Variants in BIRC5 observed in about 807,000 individuals in gnomAD.
The protein encoded by BIRC5 is baculoviral IAP repeat-containing protein 5.
Under a neutral mutation model 15.8 loss-of-function variants are expected in BIRC5, and 8 were observed. The ratio of observed to expected loss-of-function variants is 0.51; its 90% CI spans 0.30 to 0.91. The LOEUF is 0.91. Among genes scored for constraint, BIRC5 ranks in the 40% least tolerant of loss-of-function variants. BIRC5 has a pLI of 0.07. For synonymous variants in BIRC5, 56 were observed against 64.5 expected, an observed-to-expected ratio of 0.87 and a Z score of 0.63; for missense variants, 163 against 178.6, an observed-to-expected ratio of 0.91 and a Z score of 0.50.
chr17:78,217,316 C>T (rs2076485914), intron 3 of BIRC5, among the ~76,000 whole-genome samples: 2 of 151,774 alleles, frequency 1.3e-5, no homozygotes, highest in Admixed American at 6.6e-5. Flanking sequence ...GCCGAGATTA[C>T]AGGCATGTGC....
chr17:78,214,619 T>G, intron 1 of BIRC5, 61 bp from the exon 2 acceptor site: 1 of 1,474,674 alleles, frequency 6.8e-7, no homozygotes, highest in Admixed American at 2.1e-5. Flanking sequence ...GAGGCCTTTG[T>G]GGCTGGGCCT....
At chr17:78,217,819 G>T (rs1164961942) in intron 3 of BIRC5, among the ~76,000 whole-genome samples, 1 of 151,426 alleles carries the variant, frequency 6.6e-6, no homozygotes, top group Non-Finnish European at 1.5e-5. Context: ...TTGAGACAGG[G>T]ACTCACTCTG....
Position 78,223,639 on chromosome 17 carries a change from C to CTT in BIRC5, c.*85_*86insTT. The CTT allele has an allele frequency of 6.3e-7, 1 of 1,591,794 alleles. No homozygotes were observed. The highest frequency in any genetic ancestry group is 8.6e-7 in the Non-Finnish European group (1 of 1,169,240). ...CTGGTGCCACCAGCCTTCCTGTGGG[C>CTT]CCCTTAGCAATGTCTTAGGAAAGGA... is the stretch of plus-strand genomic sequence containing the variant. On this transcript the variant is annotated 3_prime_UTR_variant, in exon 4 of 4. Transcript: ENST00000350051.
At chr17:78,214,504 C>T in intron 1 of BIRC5, 77 bp downstream of exon 1, 2 of 1,385,538 alleles carry the variant, frequency 1.4e-6, no homozygotes, top group African/African-American at 1.5e-5. Context: ...GACTGGGCCT[C>T]GGGGGTACAA....
rs779557679 is a variant in BIRC5 at position 78,214,410 on chromosome 17, G to T, written c.94G>T (p.Ala32Ser). The change falls in exon 1 of 4, where the codon GCC becomes TCC. Residue 32 changes from alanine to serine, a missense_variant. Transcript: ENST00000350051. ...FKNWPFLEGCACTPERMAEAG... is the reference protein window; with the variant it reads ...FKNWPFLEGCSCTPERMAEAG... ...GAACTGGCCCTTCTTGGAGGGCTGC[G>T]CCTGCACCCCGGAGCGGGTGAGACT... The T allele has an allele frequency of 1.3e-6, 2 of 1,586,344 alleles. No individual in the cohort carries two copies. Among genetic ancestry groups the T allele is most frequent in the Admixed American group, 3.5e-5 (2 of 56,366 alleles).
chr17:78,220,780 G>A (rs1161648902), intron 3 of BIRC5, among the ~76,000 whole-genome samples: 3 of 152,136 alleles, frequency 2.0e-5, no homozygotes, highest in Non-Finnish European at 4.4e-5. Flanking sequence ...GAGTGCAGTG[G>A]TGTGATCTTG....
intron 3 of BIRC5, among the ~76,000 whole-genome samples, chr17:78,218,523 C>T (rs1051769036): frequency 2.6e-5 from 4 of 151,222 alleles, no homozygotes; most frequent in Non-Finnish European, 5.9e-5. Context: ...AACTCCTGAC[C>T]TTGTGATCTG....
chr17:78,214,358 C>G lies in BIRC5; in HGVS notation c.42C>G (p.Leu14=), dbSNP rs532219684. 98 of 1,609,572 alleles carry G rather than the reference C, an allele frequency of 6.1e-5. 2 individuals are homozygous for G. The South Asian group carries it at 1.0e-3, about 17-fold the overall frequency. Residue 14 remains leucine (L), a synonymous_variant, in exon 1 of 4, where the codon CTC becomes CTG. Transcript: ENST00000350051. Reference sequence around the variant, plus strand: ...TGCCCCCTGCCTGGCAGCCCTTTCTCAAGGACCACCGCATCTCTACATTCA... The same window carrying G: ...TGCCCCCTGCCTGGCAGCCCTTTCTGAAGGACCACCGCATCTCTACATTCA... ...PTLPPAWQPF[L]KDHRISTFKN...
chr17:78,223,849 G>T lies in BIRC5; in HGVS notation c.*295G>T. 3.8e-6 allele frequency: 2 copies of T among 531,208 alleles called. No homozygotes were observed. Among genetic ancestry groups the T allele is most frequent in the South Asian group, 6.2e-5 (2 of 32,204 alleles). 32.9% of individuals were successfully genotyped at this position (531,208 alleles called of 1,614,324 possible). ...CCGGGCTTACCAGGTGAGAAGTGAG[G>T]GAGGAAGAAGGCAGTGTCCCTTTTG... On this transcript the variant is annotated 3_prime_UTR_variant, in exon 4 of 4. Coordinates refer to ENST00000350051, the MANE Select transcript of BIRC5 (RefSeq NM_001168.3).
At position 78,223,874 on chromosome 17, in the gene BIRC5, G is replaced by A. The variant is rs1263990577; in HGVS notation, c.*320G>A. On this transcript the variant is annotated 3_prime_UTR_variant, in exon 4 of 4. Transcript: ENST00000350051. ...GGAGGAAGAAGGCAGTGTCCCTTTT[G>A]CTAGAGCTGACAGCTTTGTTCGCGT... The A allele has an allele frequency of 4.3e-6, 2 of 465,560 alleles. No homozygotes were observed. The highest frequency in any genetic ancestry group is 7.5e-6 in the Non-Finnish European group (2 of 266,586). The allele number at this position is 465,560 out of a possible 1,614,324, so 28.8% of individuals were successfully genotyped here.
In BIRC5 at chr17:78,223,620, C is replaced by A; in HGVS notation, c.*66C>A. ...CACTTCCAGGGTTTATTCCCTGGTG[C>A]CACCAGCCTTCCTGTGGGCCCCTTA... On this transcript the variant is annotated 3_prime_UTR_variant, in exon 4 of 4. Transcript: ENST00000350051. 1 of 1,604,172 alleles carries A rather than the reference C, an allele frequency of 6.2e-7. No individual in the cohort carries two copies. Among genetic ancestry groups the A allele is most frequent in the South Asian group, 1.1e-5 (1 of 89,318 alleles).
rs2076532769 is a variant in BIRC5 at position 78,224,039 on chromosome 17, AG to A, written c.*486del. 5.7e-5 allele frequency: 8 copies of A among 141,124 alleles called. No individual in the cohort carries two copies. Among genetic ancestry groups the A allele is most frequent in the Admixed American group, 7.9e-5 (1 of 12,718 alleles). The allele number at this position is 141,124 out of a possible 1,614,324, so 8.7% of individuals were successfully genotyped here. A position where few individuals can be genotyped will look rare whatever the true frequency, so the allele number is the denominator to read the frequency against. The stretch of plus-strand genomic sequence containing the variant: ...TCACACCTGTGCCTCCTCAGAGGAC[AG>A]TTTTTTTGTTGTTGTGTTTTTTTGT... On this transcript the variant is annotated 3_prime_UTR_variant, in exon 4 of 4. Transcript: ENST00000350051.
At chr17:78,222,599 A>T (rs1159795322) in intron 3 of BIRC5, among the ~76,000 whole-genome samples, 1 of 152,238 alleles carries the variant, frequency 6.6e-6, no homozygotes, top group East Asian at 1.9e-4. Flanking sequence ...CGGGAGGCAG[A>T]GGTTGCGGTG....
intron 1 of BIRC5, 49 bp downstream of exon 1, chr17:78,214,476 C>T (rs768778329): frequency 6.8e-7 from 1 of 1,468,714 alleles, no homozygotes; most frequent in South Asian, 1.4e-5. Flanking sequence ...CTTGCCCTGT[C>T]CCTAGCGAGG....
At chr17:78,216,832 C>A in intron 3 of BIRC5, 51 bp downstream of exon 3, 2 of 1,368,512 alleles carry the variant, frequency 1.5e-6, no homozygotes, top group Non-Finnish European at 1.0e-6. Flanking sequence ...GTCTTTAGCA[C>A]TAAACTACCT....
At chr17:78,219,960 G>C (rs2076504168) in intron 3 of BIRC5, among the ~76,000 whole-genome samples, 1 of 152,192 alleles carries the variant, frequency 6.6e-6, no homozygotes, top group East Asian at 1.9e-4. Context: ...CGCTGAGAAA[G>C]ACAGAGGGTT....
chr17:78,219,605 C>T (rs933480633), intron 3 of BIRC5, among the ~76,000 whole-genome samples: 4 of 152,108 alleles, frequency 2.6e-5, no homozygotes, highest in Non-Finnish European at 5.9e-5. Flanking sequence ...GGAGCTGCAG[C>T]GTGGGAACTG....
Position 78,224,639 on chromosome 17 carries a change from C to T in BIRC5, c.*1085C>T, listed in dbSNP as rs191137126. On this transcript the variant is annotated 3_prime_UTR_variant, in exon 4 of 4. Coordinates refer to ENST00000350051, the MANE Select transcript of BIRC5 (RefSeq NM_001168.3). ...TGCAGGGTGGATTGTTACAGCTTCG[C>T]TGGAAACCTCTGGAGGTCATCTCGG... The T allele has an allele frequency of 7.0e-4, 106 of 152,380 alleles. No individual in the cohort carries two copies. The highest frequency in any genetic ancestry group is 2.5e-3 in the African/African-American group (103 of 41,588). 9.4% of individuals were successfully genotyped at this position (152,380 alleles called of 1,614,324 possible).
At chr17:78,214,836 T>C (rs1360989452) in intron 2 of BIRC5, 47 bp downstream of exon 2, 2 of 1,528,520 alleles carry the variant, frequency 1.3e-6, no homozygotes, top group African/African-American at 1.4e-5. Flanking sequence ...TTGAACTGAG[T>C]TGTCAAAAGA....
Sources: allele counts gnomAD v4.1 joint callset (sites outside exome capture counted in the v4.1 genomes callset), GRCh38; gene constraint gnomAD v4.1.1; transcripts MANE v1.5; gene names NCBI Gene and HGNC (gene_info 2026-07-23, HGNC 2026-07-21).